QPCTL: variants seen among roughly 807,000 people sequenced by gnomAD.
QPCTL encodes the protein glutaminyl-peptide cyclotransferase like.
A neutral mutation model predicts 34.6 loss-of-function variants in QPCTL; 31 were observed. The ratio of observed to expected loss-of-function variants is 0.90; its 90% CI spans 0.67 to 1.21. QPCTL has a LOEUF of 1.21. QPCTL is among the 50% of genes most tolerant of loss of function. The pLI is 0.00. For synonymous variants in QPCTL, 223 were observed against 226.9 expected (o/e 0.98, Z 0.15); for missense variants, 474 against 507.8 (o/e 0.93, Z 0.64).
At chr19:45,699,793 G>A (rs527382101) in intron 5 of QPCTL, among the ~76,000 whole-genome samples, 39 of 152,052 alleles carry the variant, frequency 2.6e-4, no homozygotes, top group African/African-American at 8.2e-4. Flanking sequence ...TTAGCTGGGC[G>A]TGGTGACATG....
intron 3 of QPCTL, among the ~76,000 whole-genome samples, chr19:45,696,932 G>T (rs1967708403): frequency 1.3e-5 from 2 of 151,184 alleles, no homozygotes; most frequent in Admixed American, 6.6e-5. Context: ...AGCCCAGCTT[G>T]TCCAACAGGG....
intron 5 of QPCTL, among the ~76,000 whole-genome samples, chr19:45,699,262 A>T (rs1437394513): frequency 6.6e-6 from 1 of 151,382 alleles, no homozygotes; most frequent in Non-Finnish European, 1.5e-5. Context: ...TGAACTCCTG[A>T]CCTCGTGATC....
At position 45,698,834 on chromosome 19, in the gene QPCTL, C is replaced by T. The variant is rs1967755766; in HGVS notation, c.820C>T (p.Pro274Ser). Residue 274 changes from proline to serine, a missense_variant, in exon 5 of 7, where the codon CCC (proline) becomes TCC (serine). Pro to Ser is a moderately conservative substitution (Grantham distance 74). Transcript: ENST00000012049. ...TATGCTTCTTGATCTCCTGGGAGCCCCCAATCCCACCTTCTACAGCCACTT... is the reference window on the plus strand; with the variant it reads ...TATGCTTCTTGATCTCCTGGGAGCCTCCAATCCCACCTTCTACAGCCACTT... ...LFMLLDLLGA[P>S]NPTFYSHFPR... 1.2e-6 allele frequency: 2 copies of T among 1,614,038 alleles called. No individual in the cohort carries two copies. The highest frequency in any genetic ancestry group is 1.6e-4 in the Middle Eastern group (1 of 6,062).
rs371386525 is a variant in QPCTL, at chr19:45,693,567, C to T, written c.351+11C>T. The T allele has an allele frequency of 6.2e-7, 1 of 1,603,632 alleles. No individual in the cohort carries two copies. The highest frequency in any genetic ancestry group is 1.1e-5 in the South Asian group (1 of 89,410). On this transcript the variant is annotated intron_variant, in intron 2 of 6. Transcript: ENST00000012049. ...CTCCAAGTCAGAAAGGTAAAGGGAC[C>T]CACCTCCAGTCCCTGACCCCCTAGC...
intron 3 of QPCTL, among the ~76,000 whole-genome samples, chr19:45,696,789 A>G (rs937545113): frequency 2.0e-5 from 3 of 150,636 alleles, no homozygotes; most frequent in African/African-American, 7.3e-5. Context: ...GCTGGCTCCC[A>G]CTCTTCACTC....
intron 2 of QPCTL, 96 bp downstream of exon 2, chr19:45,693,652 A>G (rs1967629293): frequency 6.8e-7 from 1 of 1,476,640 alleles, no homozygotes; most frequent in South Asian, 1.4e-5. Context: ...AAGAGGAGGA[A>G]CTGGGGCTCT....
At chr19:45,695,792 A>G in intron 3 of QPCTL, 74 bp downstream of exon 3, 1 of 1,460,770 alleles carries the variant, frequency 6.8e-7, no homozygotes, top group East Asian at 2.5e-5. Flanking sequence ...CCTTGCCTGG[A>G]CATTTGTCAT....
chr19:45,695,394 T>C (rs1967669583), intron 2 of QPCTL, 43 bp from the exon 3 acceptor site: 2 of 851,368 alleles, frequency 2.3e-6, no homozygotes, highest in Admixed American at 1.9e-5. Flanking sequence ...CCCCACCTCC[T>C]CCCCAGTCCC....
chr19:45,699,256 C>T (rs1967766761), intron 5 of QPCTL, among the ~76,000 whole-genome samples: 2 of 151,828 alleles, frequency 1.3e-5, no homozygotes, highest in African/African-American at 2.4e-5. Context: ...TGGTCTTGAA[C>T]TCCTGACCTC....
chr19:45,695,640 G>T lies in QPCTL; in HGVS notation c.555G>T (p.Thr185=), dbSNP rs755919543. 6 of 1,613,936 alleles carry T rather than the reference G, an allele frequency of 3.7e-6. No homozygotes were observed. Among genetic ancestry groups the T allele is most frequent in the Non-Finnish European group, 5.1e-6 (6 of 1,179,966 alleles). Residue 185 remains threonine (T), a synonymous_variant, in exon 3 of 7, where the codon ACG becomes ACT. Transcript: ENST00000012049. ...PPGSTPFVGA[T]DSAVPCALLL... is the part of the protein sequence containing the mutation. ...GATCGACCCCCTTTGTAGGGGCCAC[G>T]GATTCGGCTGTGCCCTGTGCCCTGC...
At chr19:45,696,841 G>A (rs929974389) in intron 3 of QPCTL, among the ~76,000 whole-genome samples, 2 of 152,000 alleles carry the variant, frequency 1.3e-5, no homozygotes, top group African/African-American at 4.8e-5. Flanking sequence ...AGGCCTTCCC[G>A]GCCGGGCGTG....
At position 45,703,337 on chromosome 19, in the gene QPCTL, C is replaced by CT. The variant is rs11360726; in HGVS notation, c.*299dup. The CT allele has an allele frequency of 0.28, 69,834 of 246,720 alleles. 7,613 individuals are homozygous for CT. Among genetic ancestry groups the CT allele is most frequent in the Non-Finnish European group, 0.32 (39,627 of 125,694 alleles). The allele number at this position is 246,720 out of a possible 1,614,324, so 15.3% of individuals were successfully genotyped here. A position where few individuals can be genotyped will look rare whatever the true frequency, so the allele number is the denominator to read the frequency against. Reference sequence around the variant, plus strand: ...AGGTTTGCAGGGACCAAATACTGTTCTTTTTTTTTTTGAGACGGAGTCTCA... The same window carrying CT: ...AGGTTTGCAGGGACCAAATACTGTTCTTTTTTTTTTTTGAGACGGAGTCTCA... On this transcript the variant is annotated 3_prime_UTR_variant, in exon 7 of 7. Coordinates refer to ENST00000012049, the MANE Select transcript of QPCTL (RefSeq NM_017659.4).
chr19:45,701,462 G>A (rs911225176), intron 5 of QPCTL, among the ~76,000 whole-genome samples: 1 of 152,028 alleles, frequency 6.6e-6, no homozygotes, highest in African/African-American at 2.4e-5. Flanking sequence ...TTTTAGTAGA[G>A]ACAGGGTTTC....
At position 45,695,487 on chromosome 19, in the gene QPCTL, G is replaced by A; in HGVS notation, c.402G>A (p.Leu134=). The A allele has an allele frequency of 6.2e-7, 1 of 1,613,978 alleles. No homozygotes were observed. The highest frequency in any genetic ancestry group is 1.3e-5 in the African/African-American group (1 of 74,978). Residue 134 remains leucine (L), a synonymous_variant, in exon 3 of 7, where the codon CTG becomes CTA. Transcript: ENST00000012049. ...TGACAGCAGGTTGGCACGTGGAGCT[G>A]GATCCCTTCACAGCCTCAACACCCC... The part of the protein sequence containing the change: ...RSLTAGWHVE[L]DPFTASTPLG...
chr19:45,699,259 C>T (rs1967766909), intron 5 of QPCTL, among the ~76,000 whole-genome samples: 1 of 151,802 alleles, frequency 6.6e-6, no homozygotes, highest in East Asian at 2.0e-4. Flanking sequence ...TCTTGAACTC[C>T]TGACCTCGTG....
chr19:45,695,849 T>TC, intron 3 of QPCTL, 131 bp downstream of exon 3: 1 of 23,146 alleles, frequency 4.3e-5, no homozygotes, highest in Non-Finnish European at 5.7e-5. Flanking sequence ...CACAGGGATC[T>TC]TTTTTTTTTT....
rs747506442 is a variant in QPCTL, at chr19:45,698,528, C to T, written c.634-19C>T. 1 of 1,613,294 alleles carries T rather than the reference C, an allele frequency of 6.2e-7. No homozygotes were observed. The highest frequency in any genetic ancestry group is 8.5e-7 in the Non-Finnish European group (1 of 1,179,764). Reference sequence around the variant, plus strand: ...CTAGTCCTGAGCTGGCTCTGGCCACCCCCCTGCTGCTCCCACAGGCAGCCC... The same window carrying T: ...CTAGTCCTGAGCTGGCTCTGGCCACTCCCCTGCTGCTCCCACAGGCAGCCC... On this transcript the variant is annotated intron_variant, in intron 3 of 6. Transcript: ENST00000012049.
At chr19:45,695,089 C>G (rs948396849) in intron 2 of QPCTL, among the ~76,000 whole-genome samples, 7 of 151,930 alleles carry the variant, frequency 4.6e-5, no homozygotes, top group African/African-American at 1.5e-4. Flanking sequence ...GTTCGAATAC[C>G]AGGCTGGCCA....
intron 2 of QPCTL, among the ~76,000 whole-genome samples, chr19:45,694,138 G>A (rs928232961): frequency 6.6e-6 from 1 of 152,190 alleles, no homozygotes; most frequent in Admixed American, 6.5e-5. Context: ...CCAGCACTTT[G>A]GGAGGCCGAG....
Sources: gnomAD v4.1 joint callset for allele counts (sites outside exome capture counted in the v4.1 genomes callset) on GRCh38, gnomAD v4.1.1 for gene constraint, MANE v1.5 for transcripts, NCBI Gene and HGNC (gene_info 2026-07-23, HGNC 2026-07-21) for gene names.